The following NCKAP5 variants were observed in gnomAD, a reference collection of about 807,000 sequenced individuals.
NCKAP5 encodes the protein NCK associated protein 5, also known as nck-associated protein 5.
In NCKAP5, 92 loss-of-function variants were observed where a neutral mutation model predicts 167.0. The observed-to-expected ratio is 0.55, with a 90% confidence interval of 0.47 to 0.66. The LOEUF (loss-of-function observed/expected upper bound fraction) is 0.66, where lower values mean the gene tolerates loss of function less well. NCKAP5 is among the 30% of genes least tolerant of loss of function. The pLI is 0.00. For missense variants in NCKAP5, 2,378 were observed against 2,315.0 expected (o/e 1.03, Z -0.56); for synonymous variants, 891 against 877.4 (o/e 1.02, Z -0.27).
intron 3 of NCKAP5, among the ~76,000 whole-genome samples, chr2:133,454,385 T>C (rs1043727527): frequency 2.6e-5 from 4 of 152,046 alleles, no homozygotes; most frequent in African/African-American, 4.8e-5. Context: ...ATTCAGAAAA[T>C]GGAGAAACAC....
chr2:133,319,756 G>A (rs558847679), intron 3 of NCKAP5, among the ~76,000 whole-genome samples: 1 of 152,320 alleles, frequency 6.6e-6, no homozygotes, highest in East Asian at 1.9e-4. Flanking sequence ...TTACTATGAT[G>A]AGGTTGTTAA....
intron 6 of NCKAP5, among the ~76,000 whole-genome samples, chr2:133,128,676 C>A (rs911324114): frequency 6.6e-6 from 1 of 151,984 alleles, no homozygotes; most frequent in Non-Finnish European, 1.5e-5. Context: ...CGGCTCACTG[C>A]AAACTCCACC....
At chr2:133,073,390 A>T (rs1157142895) in intron 6 of NCKAP5, among the ~76,000 whole-genome samples, 3 of 152,214 alleles carry the variant, frequency 2.0e-5, no homozygotes, top group African/African-American at 7.2e-5. Flanking sequence ...CCTAAGGTAC[A>T]CATGTTTAGA....
intron 3 of NCKAP5, among the ~76,000 whole-genome samples, chr2:133,455,845 A>T (rs1691822380): frequency 6.6e-6 from 1 of 152,160 alleles, no homozygotes; most frequent in African/African-American, 2.4e-5. Context: ...AGACTTCACA[A>T]GCATTAAGTC....
intron 3 of NCKAP5, among the ~76,000 whole-genome samples, chr2:133,358,376 T>G (rs940774577): frequency 1.3e-5 from 2 of 152,098 alleles, no homozygotes; most frequent in East Asian, 3.9e-4. Flanking sequence ...GGCAGGAGTT[T>G]GAGAACAGCC....
chr2:133,000,916 T>C (rs2077754437), intron 6 of NCKAP5, among the ~76,000 whole-genome samples: 2 of 152,180 alleles, frequency 1.3e-5, no homozygotes, highest in Admixed American at 6.5e-5. Context: ...TACAAAGTTC[T>C]AGTATAGGCA....
At chr2:133,649,802 C>T in the NCKAP5 span, among the ~76,000 whole-genome samples, 2 of 151,962 alleles carry the variant, frequency 1.3e-5, no homozygotes, top group Admixed American at 1.3e-4. Context: ...TAAGCAGGAG[C>T]AAGACAAAAT....
chr2:133,458,635 C>A (rs1692003780), intron 3 of NCKAP5, among the ~76,000 whole-genome samples: 1 of 152,038 alleles, frequency 6.6e-6, no homozygotes. Context: ...GAAAAGTAAG[C>A]CCCCAAGAAA....
At chr2:132,845,691 T>C (rs1688608860) in intron 11 of NCKAP5, among the ~76,000 whole-genome samples, 1 of 152,206 alleles carries the variant, frequency 6.6e-6, no homozygotes, top group African/African-American at 2.4e-5. Flanking sequence ...TATTTTGAAG[T>C]ACCACAGGGT....
intron 6 of NCKAP5, among the ~76,000 whole-genome samples, chr2:133,116,244 T>C (rs1416872023): frequency 1.2e-5 from 1 of 86,020 alleles, no homozygotes; most frequent in East Asian, 1.0e-3. Context: ...TCCCAGCACT[T>C]TGGGAGGCCG....
intron 4 of NCKAP5, chr2:133,266,183 A>T (rs889687343): frequency 2.6e-5 from 4 of 152,112 alleles, no homozygotes; most frequent in African/African-American, 9.7e-5. Context: ...GCACACACGG[A>T]CCGACTCCCA....
intron 9 of NCKAP5, among the ~76,000 whole-genome samples, chr2:132,870,768 A>T (rs201015584): frequency 2.2e-5 from 1 of 45,502 alleles, no homozygotes; most frequent in African/African-American, 1.0e-4. Context: ...CATGGAGCTT[A>T]ATTGTTTTTT....
At chr2:133,557,305 C>T (rs1214438810) in intron 2 of NCKAP5, among the ~76,000 whole-genome samples, 1 of 152,110 alleles carries the variant, frequency 6.6e-6, no homozygotes, top group Non-Finnish European at 1.5e-5. Flanking sequence ...TCCCATTTGG[C>T]ACAACTTTTC....
At chr2:133,319,065 T>C (rs1681830331) in intron 3 of NCKAP5, among the ~76,000 whole-genome samples, 1 of 152,032 alleles carries the variant, frequency 6.6e-6, no homozygotes, top group Non-Finnish European at 1.5e-5. Context: ...GTGATTCTGA[T>C]CCACTAAACC....
At chr2:132,694,772 T>A (rs1280843451) in intron 19 of NCKAP5, among the ~76,000 whole-genome samples, 2 of 152,214 alleles carry the variant, frequency 1.3e-5, no homozygotes, top group Admixed American at 6.5e-5. Flanking sequence ...AAGTAAAATA[T>A]GCATAGGCTC....
At chr2:133,606,344 A>G in the NCKAP5 span, among the ~76,000 whole-genome samples, 1 of 152,228 alleles carries the variant, frequency 6.6e-6, no homozygotes, top group Non-Finnish European at 1.5e-5. Context: ...TAAACAAGGA[A>G]GCCTGTTGAC....
intron 6 of NCKAP5, among the ~76,000 whole-genome samples, chr2:133,107,680 T>C (rs2081757648): frequency 6.6e-6 from 1 of 152,180 alleles, no homozygotes; most frequent in African/African-American, 2.4e-5. Flanking sequence ...CCATGTTCCC[T>C]AGATACAGAT....
chr2:133,294,421 CT>C (rs1430162013), intron 4 of NCKAP5, among the ~76,000 whole-genome samples: 2 of 152,228 alleles, frequency 1.3e-5, no homozygotes, highest in African/African-American at 4.8e-5. Flanking sequence ...CTGGGCCTGA[CT>C]CTTCTCAGAG....
intron 2 of NCKAP5, among the ~76,000 whole-genome samples, chr2:133,523,300 T>TCACACACA (rs57259165): frequency 4.1e-5 from 6 of 145,722 alleles, no homozygotes; most frequent in African/African-American, 1.5e-4. Flanking sequence ...ATACACACAG[T>TCACACACA]CACACACACA....
Sources: allele counts gnomAD v4.1 joint callset (sites outside exome capture counted in the v4.1 genomes callset), GRCh38; gene constraint gnomAD v4.1.1; transcripts MANE v1.5; gene names NCBI Gene and HGNC (gene_info 2026-07-23, HGNC 2026-07-21).